GAS7: variants seen among roughly 807,000 people sequenced by gnomAD.
GAS7 encodes growth arrest-specific protein 7.
In GAS7, 28 loss-of-function variants were observed where a neutral mutation model predicts 71.1. That is an observed-to-expected ratio of 0.39 (90% confidence interval 0.29 to 0.54). The LOEUF (loss-of-function observed/expected upper bound fraction) is 0.54, where lower values mean the gene tolerates loss of function less well. Among genes scored for constraint, GAS7 ranks in the 20% least tolerant of loss-of-function variants. The probability of loss-of-function intolerance (pLI) is 0.62; values close to 1 mark genes in which losing one functional copy is unlikely to be tolerated. For synonymous variants in GAS7, 258 were observed against 245.8 expected (o/e 1.05, Z -0.46); for missense variants, 436 against 627.8 (o/e 0.69, Z 3.27).
At chr17:9,965,834 C>T (rs980827195) in intron 4 of GAS7, among the ~76,000 whole-genome samples, 9 of 152,130 alleles carry the variant, frequency 5.9e-5, no homozygotes, top group African/African-American at 1.9e-4. Flanking sequence ...TGTGCCCACC[C>T]ATCCAGGTCT....
In GAS7 at chr17:10,119,181, A is replaced by G. The variant is rs991633028; in HGVS notation, c.183+79027T>C. On this transcript the variant is annotated intron_variant, in intron 1 of 13. Coordinates refer to ENST00000432992, the MANE Select transcript of GAS7 (RefSeq NM_201433.2). Reference sequence around the variant, plus strand: ...CACAATAAAAAAGTGAATTCTAAAGAATGTCAGAAGGTGATCGGGGGAATA... The same window carrying G: ...CACAATAAAAAAGTGAATTCTAAAGGATGTCAGAAGGTGATCGGGGGAATA... Among the ~76,000 whole-genome samples the G allele has an allele frequency of 3.1e-4, 47 of 152,276 alleles. 2 individuals carry two copies. The highest frequency in any genetic ancestry group is 2.1e-3 in the Admixed American group (32 of 15,296).
At chr17:10,151,784 G>A (rs1024368) in intron 1 of GAS7, among the ~76,000 whole-genome samples, 29,100 of 152,104 alleles carry the variant, frequency 0.19, 3,065 homozygotes, top group African/African-American at 0.26. Context: ...GGCTTCAAGC[G>A]CTCCTCCTGC....
At chr17:10,185,613 A>G (rs901742077) in intron 1 of GAS7, among the ~76,000 whole-genome samples, 13 of 152,206 alleles carry the variant, frequency 8.5e-5, no homozygotes, top group Admixed American at 7.9e-4. Flanking sequence ...AGCAGGGAGC[A>G]GTGGGAAACC....
chr17:10,041,325 G>A (rs1267382760), intron 1 of GAS7, among the ~76,000 whole-genome samples: 1 of 152,092 alleles, frequency 6.6e-6, no homozygotes, highest in East Asian at 1.9e-4. Flanking sequence ...GGACAGTTTT[G>A]ATGCTGTTAA....
At chr17:10,111,885 A>C (rs2073816972) in intron 1 of GAS7, among the ~76,000 whole-genome samples, 1 of 151,830 alleles carries the variant, frequency 6.6e-6, no homozygotes, top group Non-Finnish European at 1.5e-5. Flanking sequence ...GACCAGATAC[A>C]CTCTGCTTCT....
intron 2 of GAS7, among the ~76,000 whole-genome samples, chr17:10,009,370 A>G (rs1315814426): frequency 2.6e-5 from 4 of 151,870 alleles, no homozygotes; most frequent in African/African-American, 9.7e-5. Flanking sequence ...AGAAACTCAC[A>G]TTAGTTCCTG....
intron 1 of GAS7, among the ~76,000 whole-genome samples, chr17:10,172,508 G>A: frequency 6.6e-6 from 1 of 151,830 alleles, no homozygotes; most frequent in East Asian, 1.9e-4. Context: ...GAGAAATGAG[G>A]AAGCAGATTA....
chr17:10,119,306 C>A (rs563018540), intron 1 of GAS7, among the ~76,000 whole-genome samples: 1 of 152,326 alleles, frequency 6.6e-6, no homozygotes, highest in East Asian at 1.9e-4. Flanking sequence ...CTTTCTAGCT[C>A]TTCTGCTCAC....
At chr17:10,085,519 T>C (rs2073507884) in intron 1 of GAS7, among the ~76,000 whole-genome samples, 1 of 151,558 alleles carries the variant, frequency 6.6e-6, no homozygotes, top group South Asian at 2.1e-4. Flanking sequence ...CCGTCTCTAC[T>C]AAAAATACCA....
intron 1 of GAS7, among the ~76,000 whole-genome samples, chr17:10,111,624 C>T (rs1453655712): frequency 6.6e-6 from 1 of 152,012 alleles, no homozygotes; most frequent in Non-Finnish European, 1.5e-5. Context: ...GCAGAGGGTA[C>T]AGTGAGCCGA....
chr17:9,911,292 C>T lies in GAS7; in HGVS notation c.*5936G>A, dbSNP rs556759098. 20 of 233,410 alleles carry T rather than the reference C, an allele frequency of 8.6e-5. No homozygotes were observed. In the South Asian group the frequency reaches 1.1e-3, roughly 13 times the overall value. The allele number at this position is 233,410 out of a possible 1,614,324, so 14.5% of individuals were successfully genotyped here. On this transcript the variant is annotated 3_prime_UTR_variant, in exon 14 of 14. Coordinates refer to ENST00000432992, the MANE Select transcript of GAS7 (RefSeq NM_201433.2). The surrounding 1 kb of genome is among the most constrained non-coding windows in gnomAD (Gnocchi z 4.0). ...CTTCAGGTTATGGGACAAAGGAGGCCGCAGAGCAGGGCCAGTCCTGTGCTC... is the reference window on the plus strand; with the variant it reads ...CTTCAGGTTATGGGACAAAGGAGGCTGCAGAGCAGGGCCAGTCCTGTGCTC...
At chr17:10,002,677 T>C (rs2071314140) in intron 2 of GAS7, among the ~76,000 whole-genome samples, 1 of 152,184 alleles carries the variant, frequency 6.6e-6, no homozygotes. Context: ...TTTCTGTCCT[T>C]GCGATAGTTT....
chr17:10,097,909 T>C (rs2073658895), intron 1 of GAS7, among the ~76,000 whole-genome samples: 1 of 151,970 alleles, frequency 6.6e-6, no homozygotes, highest in South Asian at 2.1e-4. Context: ...CCACAGGTGG[T>C]GGCAGGCGAC....
chr17:10,109,479 T>C (rs1199487476), intron 1 of GAS7, among the ~76,000 whole-genome samples: 1 of 152,212 alleles, frequency 6.6e-6, no homozygotes, highest in African/African-American at 2.4e-5. Context: ...ATGGGATCTC[T>C]TGTACACTAC....
intron 4 of GAS7, among the ~76,000 whole-genome samples, chr17:9,968,413 A>G (rs980086277): frequency 5.3e-4 from 80 of 152,342 alleles, no homozygotes; most frequent in Non-Finnish European, 8.2e-4. Flanking sequence ...TAGAATCTGC[A>G]TTTTAACAAG....
chr17:9,985,692 G>A (rs576198644), intron 2 of GAS7, among the ~76,000 whole-genome samples: 1 of 152,308 alleles, frequency 6.6e-6, no homozygotes, highest in East Asian at 1.9e-4. Context: ...GAGAGCTGCC[G>A]TGCCCAAGGC....
intron 1 of GAS7, among the ~76,000 whole-genome samples, chr17:10,023,588 A>G (rs72807390): frequency 0.12 from 18,321 of 152,244 alleles, 1,290 homozygotes; most frequent in Non-Finnish European, 0.16. Context: ...AGCCAGACAC[A>G]AAAGACCACA....
intron 2 of GAS7, among the ~76,000 whole-genome samples, chr17:10,013,047 G>A (rs1234100220): frequency 6.6e-6 from 1 of 150,540 alleles, no homozygotes; most frequent in Non-Finnish European, 1.5e-5. Flanking sequence ...AGGTTGCAGT[G>A]AGCCGAGATC....
chr17:10,055,973 G>T (rs1042458603), intron 1 of GAS7, among the ~76,000 whole-genome samples: 1 of 151,978 alleles, frequency 6.6e-6, no homozygotes, highest in Non-Finnish European at 1.5e-5. Flanking sequence ...TCTTTGACCC[G>T]CCAGGTAGAA....
Sources: gnomAD v4.1 joint callset for allele counts (sites outside exome capture counted in the v4.1 genomes callset) on GRCh38, gnomAD v4.1.1 for gene constraint, Gnocchi (gnomAD v3.1) non-coding constraint, MANE v1.5 for transcripts, NCBI Gene and HGNC (gene_info 2026-07-23, HGNC 2026-07-21) for gene names.